AMBRA1: variants seen among roughly 807,000 people sequenced by gnomAD.
The protein encoded by AMBRA1 is autophagy and beclin 1 regulator 1, also known as activating molecule in BECN1-regulated autophagy protein 1.
Under a neutral mutation model 125.4 loss-of-function variants are expected in AMBRA1, and 47 were observed. The observed-to-expected ratio is 0.37, with a 90% CI of 0.30 to 0.48. The LOEUF (loss-of-function observed/expected upper bound fraction) is 0.48, where lower values mean the gene tolerates loss of function less well. Ranked by LOEUF, AMBRA1 falls within the 20% of genes least tolerant of loss-of-function variation. The pLI, the probability that AMBRA1 is intolerant of heterozygous loss-of-function variation, is 0.99. For missense variants in AMBRA1, 1,331 were observed against 1,693.4 expected, an observed-to-expected ratio of 0.79 and a Z score of 3.76; for synonymous variants, 626 against 655.5, an observed-to-expected ratio of 0.95 and a Z score of 0.69.
chr11:46,586,299 C>T (rs1428459600), intron 1 of AMBRA1, among the ~76,000 whole-genome samples: 2 of 152,112 alleles, frequency 1.3e-5, no homozygotes, highest in East Asian at 3.9e-4. Context: ...ATCCCAGCTA[C>T]TCGGGAGGCT....
At chr11:46,434,727 C>G (rs994510744) in intron 13 of AMBRA1, 122 bp downstream of exon 13, 1 of 1,051,098 alleles carries the variant, frequency 9.5e-7, no homozygotes, top group Non-Finnish European at 1.3e-6. Context: ...CTGGCCTGTG[C>G]CCCAGTGAAG....
chr11:46,503,664 A>T (rs1220783970), intron 9 of AMBRA1, among the ~76,000 whole-genome samples: 2 of 152,238 alleles, frequency 1.3e-5, no homozygotes, highest in South Asian at 4.1e-4. Context: ...TTTGGTCACA[A>T]TGTGGACTTC....
At chr11:46,577,174 A>G (rs531758623) in intron 1 of AMBRA1, among the ~76,000 whole-genome samples, 1 of 152,360 alleles carries the variant, frequency 6.6e-6, no homozygotes, top group South Asian at 2.1e-4. Context: ...TCAAAGCAAC[A>G]CTATTCACAA....
At chr11:46,476,642 A>C (rs1949824488) in intron 11 of AMBRA1, among the ~76,000 whole-genome samples, 1 of 152,110 alleles carries the variant, frequency 6.6e-6, no homozygotes, top group Non-Finnish European at 1.5e-5. Flanking sequence ...TGATATTTTC[A>C]GTTTTAATTA....
intron 1 of AMBRA1, chr11:46,591,331 TAAAG>T (rs764177732): frequency 6.6e-6 from 1 of 152,212 alleles, no homozygotes; most frequent in Non-Finnish European, 1.5e-5. Flanking sequence ...AGATTCTCCA[TAAAG>T]ATAGTCTGGT....
intron 15 of AMBRA1, among the ~76,000 whole-genome samples, chr11:46,417,262 G>C (rs921936187): frequency 6.6e-6 from 1 of 152,106 alleles, no homozygotes; most frequent in African/African-American, 2.4e-5. Flanking sequence ...ACGTTGACCA[G>C]GATGGTCTCA....
intron 4 of AMBRA1, 56 bp downstream of exon 4, chr11:46,547,057 T>A: frequency 2.1e-6 from 3 of 1,436,364 alleles, no homozygotes; most frequent in Non-Finnish European, 2.8e-6. Flanking sequence ...AGACTCCGTC[T>A]CAAAAAAAAA....
chr11:46,463,540 G>A (rs1478890313), intron 11 of AMBRA1, among the ~76,000 whole-genome samples: 1 of 152,110 alleles, frequency 6.6e-6, no homozygotes, highest in Non-Finnish European at 1.5e-5. Context: ...AAGTACCTCC[G>A]AATCCTTGCA....
At chr11:46,464,602 A>G (rs912951875) in intron 11 of AMBRA1, among the ~76,000 whole-genome samples, 5 of 152,142 alleles carry the variant, frequency 3.3e-5, no homozygotes, top group African/African-American at 4.8e-5. Flanking sequence ...TTAATTTTCT[A>G]TATTTTATGA....
chr11:46,454,309 G>A (rs947497281), intron 11 of AMBRA1, among the ~76,000 whole-genome samples: 6 of 151,698 alleles, frequency 4.0e-5, no homozygotes, highest in Admixed American at 6.6e-5. Context: ...GATTACAGGC[G>A]TGAGCCATCA....
intron 11 of AMBRA1, among the ~76,000 whole-genome samples, chr11:46,446,352 A>G (rs532983537): frequency 5.9e-5 from 9 of 152,294 alleles, no homozygotes; most frequent in Admixed American, 2.0e-4. Flanking sequence ...AACAACCCCA[A>G]CCATTTAGTA....
intron 11 of AMBRA1, among the ~76,000 whole-genome samples, chr11:46,477,498 G>GGAA (rs1425936159): frequency 7.1e-6 from 1 of 141,114 alleles, no homozygotes; most frequent in Non-Finnish European, 1.6e-5. Flanking sequence ...GCTAATTTCT[G>GGAA]GAAAAAAAAA....
chr11:46,583,532 A>G (rs1258746768), intron 1 of AMBRA1, among the ~76,000 whole-genome samples: 1 of 145,912 alleles, frequency 6.9e-6, no homozygotes, highest in East Asian at 2.0e-4. Flanking sequence ...GCTTCTGCAC[A>G]GCAAAAGAAA....
At chr11:46,422,274 A>G (rs1039545542) in intron 14 of AMBRA1, among the ~76,000 whole-genome samples, 5 of 152,166 alleles carry the variant, frequency 3.3e-5, no homozygotes, top group African/African-American at 1.2e-4. Context: ...CCCAAAGTAG[A>G]TTGTTCTCAT....
At chr11:46,515,878 G>A (rs1951459151) in intron 7 of AMBRA1, among the ~76,000 whole-genome samples, 1 of 152,200 alleles carries the variant, frequency 6.6e-6, no homozygotes, top group Non-Finnish European at 1.5e-5. Flanking sequence ...GTTTCACCAT[G>A]TTGGTCAGGC....
chr11:46,496,243 GCA>G (rs1324539746), intron 9 of AMBRA1, among the ~76,000 whole-genome samples: 3 of 152,008 alleles, frequency 2.0e-5, no homozygotes, highest in Non-Finnish European at 4.4e-5. Flanking sequence ...AATTAGCCAG[GCA>G]TGGTGTTGCA....
rs772247866 is a variant in AMBRA1 at position 46,545,653 on chromosome 11, G to A, written c.502C>T (p.Arg168Trp). ...NEIHFWDWSR[R>W]EPFAVVKTAS... Reference sequence around the variant, plus strand: ...GTCTTCACCACAGCAAAGGGTTCCCGTCGACTCCAGTCCCAGAAGTGGATC... The same window carrying A: ...GTCTTCACCACAGCAAAGGGTTCCCATCGACTCCAGTCCCAGAAGTGGATC... The change falls in exon 5 of 18, where the codon CGG (arginine) becomes TGG (tryptophan). Residue 168 changes from arginine (R) to tryptophan (W), a missense_variant. Transcript: ENST00000683756. The A allele has an allele frequency of 3.1e-6, 5 of 1,614,080 alleles. No individual in the cohort carries two copies. Among genetic ancestry groups the A allele is most frequent in the South Asian group, 1.1e-5 (1 of 91,072 alleles).
At position 46,412,404 on chromosome 11, in the gene AMBRA1, C is replaced by T. The variant is rs548735419; in HGVS notation, c.3117-2036G>A. Reference sequence around the variant, plus strand: ...GGCTCAGGTGATTCTCCTACCTCAGCCTCCCGAGTAGCTGGTACTACAGGC... The same window carrying T: ...GGCTCAGGTGATTCTCCTACCTCAGTCTCCCGAGTAGCTGGTACTACAGGC... On this transcript the variant is annotated intron_variant, in intron 15 of 17. Coordinates refer to ENST00000683756, the MANE Select transcript of AMBRA1 (RefSeq NM_001387011.1). 1.6e-3 allele frequency among the ~76,000 whole-genome samples: 237 copies of T among 152,282 alleles called. 3 individuals are homozygous for T. Among genetic ancestry groups the T allele is most frequent in the Non-Finnish European group, 2.4e-3 (161 of 68,022 alleles).
intron 5 of AMBRA1, among the ~76,000 whole-genome samples, chr11:46,544,835 G>A (rs1403665369): frequency 2.6e-5 from 4 of 152,076 alleles, no homozygotes; most frequent in African/African-American, 4.8e-5. Flanking sequence ...AGCAGGAGGC[G>A]GCCAGGTGCA....
Sources: gnomAD v4.1 joint callset for allele counts (sites outside exome capture counted in the v4.1 genomes callset) on GRCh38, gnomAD v4.1.1 for gene constraint, MANE v1.5 for transcripts, NCBI Gene and HGNC (gene_info 2026-07-23, HGNC 2026-07-21) for gene names.